SOX5: variants seen among roughly 807,000 people sequenced by gnomAD.
SOX5 encodes the protein SRY-box transcription factor 5.
In SOX5, 9 loss-of-function variants were observed where a neutral mutation model predicts 92.0. The observed-to-expected ratio is 0.10, with a 90% CI of 0.06 to 0.17. The LOEUF (loss-of-function observed/expected upper bound fraction) is 0.17, where lower values mean the gene tolerates loss of function less well. Ranked by LOEUF, SOX5 falls within the 10% of genes least tolerant of loss-of-function variation. The pLI is 1.00. For synonymous variants in SOX5, 344 were observed against 336.3 expected (o/e 1.02, Z -0.25); for missense variants, 642 against 944.5 (o/e 0.68, Z 4.20).
intron 1 of SOX5, among the ~76,000 whole-genome samples, chr12:23,901,327 C>A (rs2097230034): frequency 6.6e-6 from 1 of 152,076 alleles, no homozygotes; most frequent in Non-Finnish European, 1.5e-5. Flanking sequence ...CCTGACAACA[C>A]CTTGATTTTA....
intron 1 of SOX5, among the ~76,000 whole-genome samples, chr12:24,554,671 T>A (rs1336412326): frequency 1.3e-5 from 2 of 152,120 alleles, no homozygotes; most frequent in Non-Finnish European, 2.9e-5. Context: ...CTACTGAAAC[T>A]CACAGGCTAA....
rs375822119 is a variant in SOX5 at position 23,961,254 on chromosome 12, T to A, written c.-1-65230A>T. On this transcript the variant is annotated intron_variant, in intron 4 of 4. Transcript: ENST00000446891. ...ATGTTTAATTGAGATTCAAACACCC[T>A]ATTGAATATACTCTATAATTTTTTT... Among the ~76,000 whole-genome samples the A allele has an allele frequency of 4.0e-3, 609 of 152,318 alleles. 5 individuals are homozygous for A. The highest frequency in any genetic ancestry group is 0.01 in the Middle Eastern group (3 of 294).
chr12:23,836,273 G>T (rs1179221047), intron 3 of SOX5, among the ~76,000 whole-genome samples: 4 of 151,720 alleles, frequency 2.6e-5, no homozygotes, highest in African/African-American at 7.3e-5. Context: ...TGTTACATAG[G>T]CCAGATATTT....
At chr12:23,790,553 C>CAT in intron 3 of SOX5, among the ~76,000 whole-genome samples, 1 of 147,674 alleles carries the variant, frequency 6.8e-6, no homozygotes, top group Non-Finnish European at 1.5e-5. Flanking sequence ...ATCTCTCACA[C>CAT]ACACACACAC....
At chr12:23,600,644 C>CGCAA (rs1278193617) in intron 9 of SOX5, among the ~76,000 whole-genome samples, 1 of 149,276 alleles carries the variant, frequency 6.7e-6, no homozygotes, top group East Asian at 2.0e-4. Flanking sequence ...GCAAACAGTT[C>CGCAA]ACAAACAGTA....
At position 24,336,739 on chromosome 12, in the gene SOX5, T is replaced by C. The variant is rs182031469; in HGVS notation, c.-174+31824A>G. 1.1e-3 allele frequency among the ~76,000 whole-genome samples: 164 copies of C among 152,226 alleles called. 1 individual carries two copies. Among genetic ancestry groups the C allele is most frequent in the Non-Finnish European group, 1.6e-3 (111 of 68,004 alleles). On this transcript the variant is annotated intron_variant, in intron 2 of 4. Transcript: ENST00000446891. Reference sequence around the variant, plus strand: ...ATGCCCTCTCCCTGTTAAAGACATATGAAATATAAAACTAAAATATCTGAG... The same window carrying C: ...ATGCCCTCTCCCTGTTAAAGACATACGAAATATAAAACTAAAATATCTGAG...
intron 3 of SOX5, among the ~76,000 whole-genome samples, chr12:24,262,880 A>G (rs1197837744): frequency 6.6e-6 from 1 of 152,196 alleles, no homozygotes; most frequent in Non-Finnish European, 1.5e-5. Flanking sequence ...ATTACCATCA[A>G]TAGACTGGGA....
chr12:23,545,808 G>T (rs955084062), intron 12 of SOX5, among the ~76,000 whole-genome samples: 1 of 151,926 alleles, frequency 6.6e-6, no homozygotes, highest in Non-Finnish European at 1.5e-5. Context: ...AGGCTGAGGT[G>T]GGAGGATCAC....
chr12:23,835,330 T>G (rs887328781), intron 3 of SOX5, among the ~76,000 whole-genome samples: 7 of 151,912 alleles, frequency 4.6e-5, no homozygotes, highest in African/African-American at 1.7e-4. Context: ...CCATAAATCA[T>G]GAAATGGATT....
At position 24,234,014 on chromosome 12, in the gene SOX5, C is replaced by T. The variant is rs573400013; in HGVS notation, c.-76-20597G>A. ...TTTGTTTCATGCTCTTGGTTCATATCCAATTTGGTCTGTCCAAATCTACAC... is the reference window on the plus strand; with the variant it reads ...TTTGTTTCATGCTCTTGGTTCATATTCAATTTGGTCTGTCCAAATCTACAC... On this transcript the variant is annotated intron_variant, in intron 3 of 4. Transcript: ENST00000446891. Among the ~76,000 whole-genome samples the T allele has an allele frequency of 3.3e-5, 5 of 151,964 alleles. No individual in the cohort carries two copies. The South Asian group carries it at 6.2e-4, about 19-fold the overall frequency.
At chr12:24,520,964 A>C (rs533192221) in intron 1 of SOX5, among the ~76,000 whole-genome samples, 1 of 152,370 alleles carries the variant, frequency 6.6e-6, no homozygotes, top group Admixed American at 6.5e-5. Context: ...AATTATAAAT[A>C]TAAATACACC....
At chr12:23,604,808 A>G (rs1224733049) in intron 8 of SOX5, among the ~76,000 whole-genome samples, 5 of 152,236 alleles carry the variant, frequency 3.3e-5, no homozygotes, top group African/African-American at 1.2e-4. Context: ...CAATGTCTAT[A>G]GAAGGCAAGT....
chr12:23,862,651 A>C (rs960047353), intron 2 of SOX5, among the ~76,000 whole-genome samples: 1 of 152,220 alleles, frequency 6.6e-6, no homozygotes, highest in African/African-American at 2.4e-5. Flanking sequence ...AGCCTTGTAC[A>C]TTCCAACGAA....
intron 2 of SOX5, among the ~76,000 whole-genome samples, chr12:24,313,604 T>C (rs1350777523): frequency 1.3e-5 from 2 of 152,224 alleles, no homozygotes; most frequent in Non-Finnish European, 2.9e-5. Flanking sequence ...TTGGTCTTGA[T>C]GATGAACTGA....
At chr12:23,582,284 T>A (rs1372605657) in intron 9 of SOX5, 1 of 984,888 alleles carries the variant, frequency 1.0e-6, no homozygotes, top group African/African-American at 1.7e-5. Flanking sequence ...TCCATAGAGG[T>A]TTACTAGAAG....
At chr12:24,554,343 C>T (rs1443179269) in intron 1 of SOX5, among the ~76,000 whole-genome samples, 1 of 152,202 alleles carries the variant, frequency 6.6e-6, no homozygotes, top group Non-Finnish European at 1.5e-5. Context: ...AGGAAACACA[C>T]TGTCAAAAGT....
chr12:24,157,850 G>A (rs548693366), intron 4 of SOX5, among the ~76,000 whole-genome samples: 1 of 152,028 alleles, frequency 6.6e-6, no homozygotes, highest in Admixed American at 6.6e-5. Context: ...ATGGGCTTCT[G>A]CCTCCATGAG....
At chr12:23,540,108 AGAG>A (rs1292664344) in intron 13 of SOX5, among the ~76,000 whole-genome samples, 1 of 145,808 alleles carries the variant, frequency 6.9e-6, no homozygotes, top group East Asian at 2.1e-4. Flanking sequence ...AAAAAAAAAA[AGAG>A]AGAAAAAATA....
rs1393544557 is a variant in SOX5 at position 23,762,745 on chromosome 12, A to T, written c.482-7021T>A. On this transcript the variant is annotated intron_variant, in intron 3 of 14. Coordinates refer to ENST00000451604, the MANE Select transcript of SOX5 (RefSeq NM_006940.6). ...CTTGTTGCATCAGCTGAACCTGCTC[A>T]ATTATAATTGGTTTTATATCACATT... 4 of 421,124 alleles carry T rather than the reference A, an allele frequency of 9.5e-6. No individual in the cohort carries two copies. The East Asian group carries it at 1.4e-4, about 15-fold the overall frequency. 26.1% of individuals were successfully genotyped at this position (421,124 alleles called of 1,614,324 possible). A position where few individuals can be genotyped will look rare whatever the true frequency, so the allele number is the denominator to read the frequency against.
Sources: gnomAD v4.1 joint callset for allele counts (sites outside exome capture counted in the v4.1 genomes callset) on GRCh38, gnomAD v4.1.1 for gene constraint, MANE v1.5 for transcripts, NCBI Gene and HGNC (gene_info 2026-07-23, HGNC 2026-07-21) for gene names.